SPACA7: variants seen among roughly 807,000 people sequenced by gnomAD.
SPACA7 encodes the protein sperm acrosome-associated protein 7.
A neutral mutation model predicts 26.3 loss-of-function variants in SPACA7; 19 were observed. The observed-to-expected ratio is 0.72, with a 90% CI of 0.50 to 1.06. SPACA7 has a LOEUF of 1.06. SPACA7 is among the 50% of genes least tolerant of loss of function. The pLI is 0.00. For synonymous variants in SPACA7, 84 were observed against 84.5 expected, an observed-to-expected ratio of 0.99 and a Z score of 0.04; for missense variants, 211 against 229.9, an observed-to-expected ratio of 0.92 and a Z score of 0.53.
chr13:112,399,077 G>C lies in SPACA7; in HGVS notation c.253G>C (p.Asp85His). The change falls in exon 4 of 7, where the codon GAT becomes CAT. Residue 85 changes from aspartate to histidine, a missense_variant. Transcript: ENST00000283550. The part of the protein sequence containing the change: ...TLSTPLHAGI[D>H]ENYQAGGSEN... ...GTTCTTCATTGAAGATGCTGGTATT[G>C]ATGAGAATTATCAAGCTGGTGGTTC... 6.2e-7 allele frequency: 1 copy of C among 1,601,644 alleles called. No homozygotes were observed. Among genetic ancestry groups the C allele is most frequent in the South Asian group, 1.1e-5 (1 of 90,346 alleles).
chr13:112,410,166 T>C (rs1439277294), intron 5 of SPACA7, among the ~76,000 whole-genome samples: 3 of 151,614 alleles, frequency 2.0e-5, no homozygotes. Flanking sequence ...AATTGAACAA[T>C]GAGAACACTT....
intron 5 of SPACA7, among the ~76,000 whole-genome samples, chr13:112,405,013 C>T (rs1215834405): frequency 1.6e-5 from 2 of 127,488 alleles, no homozygotes; most frequent in Non-Finnish European, 3.1e-5. Context: ...AAGACAGTCT[C>T]GCTGTGTCGC....
chr13:112,432,105 C>T (rs1877205370), intron 5 of SPACA7, among the ~76,000 whole-genome samples: 11 of 152,202 alleles, frequency 7.2e-5, no homozygotes, highest in Admixed American at 7.2e-4. Flanking sequence ...CTGCTCACCA[C>T]CAGCAGTGGG....
At chr13:112,382,579 T>C in intron 1 of SPACA7, 1 of 1,516,828 alleles carries the variant, frequency 6.6e-7, no homozygotes, top group Non-Finnish European at 8.8e-7. Flanking sequence ...CCAAGGCTTG[T>C]GTGGTAAAAA....
intron 2 of SPACA7, among the ~76,000 whole-genome samples, chr13:112,396,297 G>A (rs577647688): frequency 1.6e-4 from 24 of 152,192 alleles, no homozygotes; most frequent in Non-Finnish European, 2.9e-4. Context: ...TGGGGCAACC[G>A]AAGCCAGAGT....
intron 1 of SPACA7, among the ~76,000 whole-genome samples, chr13:112,388,227 T>C (rs1594250052): frequency 6.6e-6 from 1 of 152,002 alleles, no homozygotes; most frequent in African/African-American, 2.4e-5. Context: ...ATCCTCCTAT[T>C]CTCCATCTGG....
Position 112,434,629 on chromosome 13 carries a change from T to G in SPACA7, c.*80T>G, listed in dbSNP as rs927489606. 74 of 1,142,088 alleles carry G rather than the reference T, an allele frequency of 6.5e-5. No homozygotes were observed. Among genetic ancestry groups the G allele is most frequent in the Non-Finnish European group, 8.9e-5 (69 of 775,934 alleles). The allele number at this position is 1,142,088 out of a possible 1,614,324, so 70.7% of individuals were successfully genotyped here. On this transcript the variant is annotated 3_prime_UTR_variant, in exon 7 of 7. Transcript: ENST00000283550. ...ACCAGCCTCCGGAACAGGGCACTTGTGTGCACACGCCCACGTTCTCTGAAC... is the reference window on the plus strand; with the variant it reads ...ACCAGCCTCCGGAACAGGGCACTTGGGTGCACACGCCCACGTTCTCTGAAC...
chr13:112,398,650 A>G (rs1185725023), intron 3 of SPACA7, among the ~76,000 whole-genome samples: 4 of 152,218 alleles, frequency 2.6e-5, no homozygotes, highest in African/African-American at 7.2e-5. Context: ...GCAGCTTCAC[A>G]TGGTCAAAGA....
intron 1 of SPACA7, among the ~76,000 whole-genome samples, 175 bp downstream of exon 1, chr13:112,376,654 A>G (rs1220694298): frequency 1.3e-5 from 2 of 152,200 alleles, no homozygotes; most frequent in East Asian, 3.8e-4. Flanking sequence ...TAAAATCTAG[A>G]TGTCCATAGG....
intron 5 of SPACA7, among the ~76,000 whole-genome samples, chr13:112,418,151 T>C (rs1886809298): frequency 6.6e-6 from 1 of 152,200 alleles, no homozygotes; most frequent in African/African-American, 2.4e-5. Context: ...TTAGAAATTC[T>C]AGATAAAATA....
chr13:112,406,683 G>A (rs550239310), intron 5 of SPACA7, among the ~76,000 whole-genome samples: 2 of 152,208 alleles, frequency 1.3e-5, no homozygotes, highest in African/African-American at 4.8e-5. Context: ...CATTAGGATG[G>A]GTAACATTAA....
chr13:112,416,934 AC>A (rs528768011), intron 5 of SPACA7, among the ~76,000 whole-genome samples: 307 of 152,192 alleles, frequency 2.0e-3, no homozygotes, highest in African/African-American at 7.2e-3. Flanking sequence ...TGCTATGGAC[AC>A]ACAAATCTTT....
chr13:112,377,528 C>T (rs185494931), intron 1 of SPACA7, among the ~76,000 whole-genome samples: 17 of 152,240 alleles, frequency 1.1e-4, no homozygotes, highest in South Asian at 4.1e-4. Context: ...GAAGCCAAGG[C>T]AATAAAATAA....
intron 1 of SPACA7, among the ~76,000 whole-genome samples, chr13:112,389,445 C>T (rs1352205149): frequency 1.3e-5 from 2 of 152,186 alleles, no homozygotes; most frequent in Admixed American, 1.3e-4. Context: ...CAAAGACAAA[C>T]TGTCTTTATT....
At chr13:112,397,321 A>C (rs781738285) in intron 2 of SPACA7, among the ~76,000 whole-genome samples, 15 of 152,276 alleles carry the variant, frequency 9.9e-5, no homozygotes, top group Middle Eastern at 3.4e-3. Context: ...TGCCCAGCCC[A>C]GCACTGCAGC....
intron 4 of SPACA7, 87 bp from the exon 5 acceptor site, chr13:112,400,982 G>T: frequency 1.1e-6 from 1 of 952,358 alleles, no homozygotes; most frequent in Non-Finnish European, 1.6e-6. Flanking sequence ...TCTCAACTTA[G>T]CATGTTTAAA....
In SPACA7 at chr13:112,401,074, A is replaced by G. The variant is rs1214582957; in HGVS notation, c.355A>G (p.Asn119Asp). The G allele has an allele frequency of 6.2e-7, 1 of 1,613,702 alleles. No individual in the cohort carries two copies. Among genetic ancestry groups the G allele is most frequent in the Admixed American group, 1.7e-5 (1 of 60,014 alleles). The change falls in exon 5 of 7, where the codon AAT becomes GAT. Residue 119 changes from asparagine (N) to aspartate (D), a missense_variant. By Grantham distance (23) the Asn-to-Asp change is conservative. Transcript: ENST00000283550. ...IEVKISNDEA[N>D]ANANLHGDPS... ...TTCCATATTTGTCATTAAAGAAGCC[A>G]ATGCTAATGCAAATCTCCATGGCGA...
At chr13:112,391,946 A>G (rs1214575453) in intron 1 of SPACA7, among the ~76,000 whole-genome samples, 1 of 152,210 alleles carries the variant, frequency 6.6e-6, no homozygotes, top group Non-Finnish European at 1.5e-5. Flanking sequence ...CTGAGCCTGC[A>G]TGTGCGCAGA....
chr13:112,422,909 T>C lies in SPACA7; in HGVS notation c.446-9535T>C, dbSNP rs537097732. On this transcript the variant is annotated intron_variant, in intron 5 of 6. Transcript: ENST00000283550. ...ACTAACATCAGAATTTTCTGAATCATCAGAATTGTCTATTTCAGAAAAATC... is the reference window on the plus strand; with the variant it reads ...ACTAACATCAGAATTTTCTGAATCACCAGAATTGTCTATTTCAGAAAAATC... Among the ~76,000 whole-genome samples the C allele has an allele frequency of 2.0e-5, 3 of 152,324 alleles. No individual in the cohort carries two copies. In the South Asian group the frequency reaches 6.2e-4, roughly 32 times the overall value.
Sources: gnomAD v4.1 joint callset for allele counts (sites outside exome capture counted in the v4.1 genomes callset) on GRCh38, gnomAD v4.1.1 for gene constraint, MANE v1.5 for transcripts, NCBI Gene and HGNC (gene_info 2026-07-23, HGNC 2026-07-21) for gene names.